NCKAP1: variants seen among roughly 807,000 people sequenced by gnomAD.
The protein encoded by NCKAP1 is NCK associated protein 1, also known as nck-associated protein 1.
In NCKAP1, 21 loss-of-function variants were observed where a neutral mutation model predicts 151.2. That is an observed-to-expected ratio of 0.14 (90% CI 0.10 to 0.20). NCKAP1 has a LOEUF of 0.20. Ranked by LOEUF, NCKAP1 falls within the 10% of genes least tolerant of loss-of-function variation. The probability of loss-of-function intolerance (pLI) is 1.00; values close to 1 mark genes in which losing one functional copy is unlikely to be tolerated. For synonymous variants in NCKAP1, 484 were observed against 451.8 expected (o/e 1.07, Z -0.90); for missense variants, 933 against 1,352.1 (o/e 0.69, Z 4.86).
At chr2:182,951,282 A>G (rs140820426) in intron 23 of NCKAP1, among the ~76,000 whole-genome samples, 4 of 152,244 alleles carry the variant, frequency 2.6e-5, no homozygotes, top group African/African-American at 7.2e-5. Context: ...TATTTGCTCA[A>G]TTTTCAGTAA....
At chr2:183,010,351 TAGAG>T (rs1698569075) in intron 2 of NCKAP1, among the ~76,000 whole-genome samples, 1 of 152,184 alleles carries the variant, frequency 6.6e-6, no homozygotes, top group Non-Finnish European at 1.5e-5. Flanking sequence ...TCGTATCACA[TAGAG>T]AAAGGGCACT....
In NCKAP1 at chr2:182,922,940, G is replaced by A. The variant is rs1404378033; in HGVS notation, c.*2762C>T. ...GAGATGGGAGAATTGCTTGAACCCG[G>A]GAGGCGGAGGTTACAGTGAGCCGAG... On this transcript the variant is annotated 3_prime_UTR_variant, in exon 31 of 31. Transcript: ENST00000361354. The A allele has an allele frequency of 6.6e-6, 1 of 152,264 alleles. No individual in the cohort carries two copies. Among genetic ancestry groups the A allele is most frequent in the Non-Finnish European group, 1.5e-5 (1 of 68,110 alleles). The allele number at this position is 152,264 out of a possible 1,614,324, so 9.4% of individuals were successfully genotyped here. A position where few individuals can be genotyped will look rare whatever the true frequency, so the allele number is the denominator to read the frequency against.
In NCKAP1 at chr2:182,980,196, C is replaced by T. The variant is rs190702573; in HGVS notation, c.1341+1048G>A. Among the ~76,000 whole-genome samples the T allele has an allele frequency of 8.8e-3, 1,336 of 151,926 alleles. 14 individuals are homozygous for T. The highest frequency in any genetic ancestry group is 0.028 in the South Asian group (136 of 4,814). On this transcript the variant is annotated intron_variant, in intron 13 of 30. Transcript: ENST00000361354. ...AATAATACCCCAGGTTTTCTGTTCC[C>T]TTTTTAAATGACCATAGAAAAGAAG...
chr2:183,026,653 C>A (rs1401195168), intron 1 of NCKAP1, among the ~76,000 whole-genome samples: 5 of 152,052 alleles, frequency 3.3e-5, no homozygotes, highest in Non-Finnish European at 7.4e-5. Flanking sequence ...ATAAAACTGG[C>A]TGAGTTTCAA....
intron 30 of NCKAP1, among the ~76,000 whole-genome samples, chr2:182,926,209 T>G (rs1696644990): frequency 6.6e-6 from 1 of 151,796 alleles, no homozygotes; most frequent in South Asian, 2.1e-4. Flanking sequence ...CCGACTATAA[T>G]GAAATGGAAA....
chr2:183,034,019 T>A (rs550047180), intron 1 of NCKAP1, among the ~76,000 whole-genome samples: 4 of 152,284 alleles, frequency 2.6e-5, no homozygotes, highest in African/African-American at 9.6e-5. Flanking sequence ...AATAATTATT[T>A]TCCTAAGCAT....
At chr2:182,928,462 A>G (rs1416342584) in intron 28 of NCKAP1, among the ~76,000 whole-genome samples, 1 of 152,132 alleles carries the variant, frequency 6.6e-6, no homozygotes, top group Non-Finnish European at 1.5e-5. Context: ...TTCTGAAAAC[A>G]TCTAAAAGAA....
At chr2:182,974,259 TAAAA>T (rs1173365320) in intron 15 of NCKAP1, among the ~76,000 whole-genome samples, 2 of 63,272 alleles carry the variant, frequency 3.2e-5, no homozygotes, top group African/African-American at 1.2e-4. Flanking sequence ...CTGTTGTCAC[TAAAA>T]AAAAAAAAAA....
At chr2:182,981,193 C>A in intron 13 of NCKAP1, 51 bp downstream of exon 13, 1 of 1,571,922 alleles carries the variant, frequency 6.4e-7, no homozygotes, top group Admixed American at 1.8e-5. Flanking sequence ...AAAATACTAT[C>A]AAAGGTGGGA....
chr2:183,026,726 T>A (rs1698904840), intron 1 of NCKAP1, among the ~76,000 whole-genome samples: 1 of 152,154 alleles, frequency 6.6e-6, no homozygotes. Context: ...AACCTATGTT[T>A]CTTCGTCTGT....
At chr2:183,022,232 A>T (rs1698810084) in intron 2 of NCKAP1, among the ~76,000 whole-genome samples, 1 of 152,184 alleles carries the variant, frequency 6.6e-6, no homozygotes, top group Non-Finnish European at 1.5e-5. Flanking sequence ...AGCTTCAAAG[A>T]TTCTCTGAAG....
chr2:182,974,598 C>G (rs1174079097), intron 15 of NCKAP1, among the ~76,000 whole-genome samples: 1 of 152,038 alleles, frequency 6.6e-6, no homozygotes, highest in Non-Finnish European at 1.5e-5. Flanking sequence ...CAACTACAAG[C>G]AAGGAACAAC....
At chr2:183,011,823 G>C (rs915291514) in intron 2 of NCKAP1, among the ~76,000 whole-genome samples, 1 of 152,190 alleles carries the variant, frequency 6.6e-6, no homozygotes, top group Non-Finnish European at 1.5e-5. Flanking sequence ...AAAGAGGCAA[G>C]TGACATGAAA....
chr2:182,977,684 T>C (rs1037142568), intron 14 of NCKAP1, among the ~76,000 whole-genome samples: 4 of 152,054 alleles, frequency 2.6e-5, no homozygotes, highest in African/African-American at 9.7e-5. Context: ...GAAAGTTGAA[T>C]GGAGGTTGCC....
chr2:182,983,231 G>C (rs1393976962), intron 11 of NCKAP1, 55 bp downstream of exon 11: 1 of 1,391,476 alleles, frequency 7.2e-7, no homozygotes, highest in Non-Finnish European at 1.0e-6. Context: ...ACTTAGAAAC[G>C]TTTTTTAAAA....
chr2:183,016,224 T>C (rs978877331), intron 2 of NCKAP1, among the ~76,000 whole-genome samples: 6 of 152,208 alleles, frequency 3.9e-5, no homozygotes, highest in Non-Finnish European at 2.9e-5. Flanking sequence ...TTCATGTTCT[T>C]TGGGCAAAAA....
chr2:182,957,660 C>A (rs930626318), intron 18 of NCKAP1, 64 bp from the exon 19 acceptor site: 17 of 1,515,082 alleles, frequency 1.1e-5, no homozygotes, highest in African/African-American at 2.8e-5. Context: ...ACTAACTATT[C>A]AAGCAAACAG....
At chr2:182,943,563 C>G (rs1575020556) in intron 23 of NCKAP1, among the ~76,000 whole-genome samples, 1 of 151,940 alleles carries the variant, frequency 6.6e-6, no homozygotes, top group Admixed American at 6.6e-5. Context: ...AGTGACCATG[C>G]ACTTTAAACA....
chr2:183,013,870 C>T (rs1698634279), intron 2 of NCKAP1, among the ~76,000 whole-genome samples: 1 of 152,190 alleles, frequency 6.6e-6, no homozygotes, highest in Non-Finnish European at 1.5e-5. Flanking sequence ...GGCATGCACC[C>T]ACCTGAGCCT....
Sources: allele counts gnomAD v4.1 joint callset (sites outside exome capture counted in the v4.1 genomes callset), GRCh38; gene constraint gnomAD v4.1.1; transcripts MANE v1.5; gene names NCBI Gene and HGNC (gene_info 2026-07-23, HGNC 2026-07-21).